Variants in CDH3 observed in about 807,000 individuals in gnomAD.
CDH3 encodes the protein cadherin-3.
In CDH3, 54 loss-of-function variants were observed where a neutral mutation model predicts 82.0. The observed-to-expected ratio is 0.66, with a 90% CI of 0.53 to 0.83. The LOEUF is 0.83. CDH3 is among the 40% of genes least tolerant of loss of function. The pLI is 0.00. For missense variants in CDH3, 1,054 were observed against 1,084.6 expected, an observed-to-expected ratio of 0.97 and a Z score of 0.40; for synonymous variants, 446 against 437.9, an observed-to-expected ratio of 1.02 and a Z score of -0.23.
At chr16:68,710,593 C>A (rs1670131580) in intron 1 of CDH3, among the ~76,000 whole-genome samples, 1 of 152,152 alleles carries the variant, frequency 6.6e-6, no homozygotes, top group Non-Finnish European at 1.5e-5. Flanking sequence ...CGCGGTGGCT[C>A]ACGCCTGTAA....
rs190902877 is a variant in CDH3 at position 68,652,421 on chromosome 16, C to T, written c.160+6671C>T. Among the ~76,000 whole-genome samples, 656 of 152,208 alleles carry T rather than the reference C, an allele frequency of 4.3e-3. 1 individual carries two copies. Among genetic ancestry groups the T allele is most frequent in the Middle Eastern group, 0.01 (3 of 294 alleles). On this transcript the variant is annotated intron_variant, in intron 2 of 15. Coordinates refer to ENST00000264012, the MANE Select transcript of CDH3 (RefSeq NM_001793.6). ...TCCCTGCTGCACAAGGAAGGCATTGCTTATGACAAGCAAAGAGTTTCTAGG... is the reference window on the plus strand; with the variant it reads ...TCCCTGCTGCACAAGGAAGGCATTGTTTATGACAAGCAAAGAGTTTCTAGG...
intron 2 of CDH3, among the ~76,000 whole-genome samples, chr16:68,671,927 A>G (rs1960892876): frequency 6.6e-6 from 1 of 152,232 alleles, no homozygotes; most frequent in East Asian, 1.9e-4. Context: ...TTGGAGGGAC[A>G]CAACTCGTGT....
In CDH3 at chr16:68,679,983, C is replaced by T. The variant is rs778167806; in HGVS notation, c.867+9C>T. 2 of 1,613,624 alleles carry T rather than the reference C, an allele frequency of 1.2e-6. No individual in the cohort carries two copies. Among genetic ancestry groups the T allele is most frequent in the South Asian group, 1.1e-5 (1 of 91,072 alleles). ...GTGGCCTGGACCGGGAAGTGAGTGG[C>T]CCTTAGGGAAAGTACTGCCTACCCA... On this transcript the variant is annotated intron_variant, in intron 7 of 15. Coordinates refer to ENST00000264012, the MANE Select transcript of CDH3 (RefSeq NM_001793.6).
chr16:68,673,694 G>T (rs576431449), intron 2 of CDH3, among the ~76,000 whole-genome samples: 1 of 152,168 alleles, frequency 6.6e-6, no homozygotes, highest in African/African-American at 2.4e-5. Flanking sequence ...GGGAGGCCAG[G>T]CGGGTGGATT....
chr16:68,654,369 T>A (rs1360741614), intron 2 of CDH3, among the ~76,000 whole-genome samples: 1 of 141,446 alleles, frequency 7.1e-6, no homozygotes, highest in African/African-American at 2.5e-5. Context: ...TTTTTCTTAA[T>A]TTTTAAATTA....
chr16:68,652,644 C>T (rs899126093), intron 2 of CDH3, among the ~76,000 whole-genome samples: 1 of 152,162 alleles, frequency 6.6e-6, no homozygotes, highest in African/African-American at 2.4e-5. Context: ...ACATCGCAAA[C>T]TTAAAACCCC....
chr16:68,702,994 A>G (rs1314323481), downstream of CDH3, among the ~76,000 whole-genome samples: 1 of 152,124 alleles, frequency 6.6e-6, no homozygotes, highest in African/African-American at 2.4e-5. Context: ...AAGTGCCCCA[A>G]TCCCTCCCTG....
intron 2 of CDH3, among the ~76,000 whole-genome samples, chr16:68,648,238 G>A (rs1248618142): frequency 6.6e-6 from 1 of 152,182 alleles, no homozygotes; most frequent in African/African-American, 2.4e-5. Context: ...TTCTTTGAGG[G>A]TGACAGACAC....
intron 15 of CDH3, among the ~76,000 whole-genome samples, chr16:68,697,689 A>G (rs548115084): frequency 6.6e-6 from 1 of 152,308 alleles, no homozygotes; most frequent in East Asian, 1.9e-4. Context: ...CCTAGCATGT[A>G]GCGCTTATTA....
In CDH3 at chr16:68,680,988, G is replaced by T; in HGVS notation, c.888G>T (p.Leu296=). 1 of 1,614,030 alleles carries T rather than the reference G, an allele frequency of 6.2e-7. No individual in the cohort carries two copies. The highest frequency in any genetic ancestry group is 1.1e-5 in the South Asian group (1 of 91,052). ...CCCAGAAAGTCCCTGAGTACACACT[G>T]ACCATCCAGGCCACAGACATGGATG... is the stretch of plus-strand genomic sequence containing the variant. The part of the protein sequence containing the change: ...LDREKVPEYT[L]TIQATDMDGD... Residue 296 remains leucine, a synonymous_variant, in exon 8 of 16, where the codon CTG becomes CTT. Transcript: ENST00000264012.
downstream of CDH3, among the ~76,000 whole-genome samples, chr16:68,731,703 G>A (rs1471942969): frequency 6.6e-6 from 1 of 151,520 alleles, no homozygotes; most frequent in Admixed American, 6.6e-5. Context: ...CTGGTGTGGT[G>A]GCTCATGCCT....
At chr16:68,698,035 A>T (rs1229162136) in intron 15 of CDH3, 156 bp from the exon 16 acceptor site, 2 of 746,666 alleles carry the variant, frequency 2.7e-6, no homozygotes, top group African/African-American at 1.7e-5. Context: ...CTGGTCCCTG[A>T]GTGAATGAAT....
chr16:68,696,112 G>T lies in CDH3; in HGVS notation c.2280+189G>T, dbSNP rs1961714984. 1.2e-5 allele frequency: 8 copies of T among 686,954 alleles called. No homozygotes were observed. In the East Asian group the frequency reaches 2.2e-4, roughly 19 times the overall value. The allele number at this position is 686,954 out of a possible 1,614,324, so 42.6% of individuals were successfully genotyped here. ...GTTTCTTCCTCCATAGAACTCACTT[G>T]CAGAGTGGTTAAAAATGATTAGGAG... On this transcript the variant is annotated intron_variant, in intron 15 of 15. Transcript: ENST00000264012.
chr16:68,654,370 T>C lies in CDH3; in HGVS notation c.160+8620T>C, dbSNP rs551098204. Among the ~76,000 whole-genome samples, 525 of 142,864 alleles carry C rather than the reference T, an allele frequency of 3.7e-3. 2 individuals carry two copies. The highest frequency in any genetic ancestry group is 0.013 in the African/African-American group (496 of 39,080). 93.7% of individuals were successfully genotyped at this position (142,864 alleles called of 152,430 possible). A position where few individuals can be genotyped will look rare whatever the true frequency, so the allele number is the denominator to read the frequency against. ...CACCGCACCTGGCCTTTTTCTTAAT[T>C]TTTAAATTAATTTTTTTTTTTTTTT... is the stretch of plus-strand genomic sequence containing the variant. On this transcript the variant is annotated intron_variant, in intron 2 of 15. Transcript: ENST00000264012.
Position 68,684,764 on chromosome 16 carries a change from C to T in CDH3, c.1364C>T (p.Thr455Ile), listed in dbSNP as rs1242553513. The T allele has an allele frequency of 6.2e-7, 1 of 1,614,070 alleles. No homozygotes were observed. The highest frequency in any genetic ancestry group is 1.3e-5 in the African/African-American group (1 of 74,934). Residue 455 changes from threonine (T) to isoleucine (I), a missense_variant, in exon 10 of 16, where the codon ACT becomes ATT. Coordinates refer to ENST00000264012, the MANE Select transcript of CDH3 (RefSeq NM_001793.6). ...GTTGAGGTCCAGGAGGGCATCCCCA[C>T]TGGGGAGCCTGTGTGTGTCTACACT... is the stretch of plus-strand genomic sequence containing the variant. ...KVVEVQEGIP[T>I]GEPVCVYTAE...
chr16:68,655,090 T>C (rs1367651162), intron 2 of CDH3, among the ~76,000 whole-genome samples: 1 of 152,078 alleles, frequency 6.6e-6, no homozygotes, highest in Non-Finnish European at 1.5e-5. Flanking sequence ...TTGCCTGGGC[T>C]GGCCTTGAAC....
chr16:68,685,274 G>A lies in CDH3; in HGVS notation c.1494G>A (p.Val498=). The part of the protein sequence containing the change: ...MDPDSGQVTA[V]GTLDREDEQF... The stretch of plus-strand genomic sequence containing the variant: ...CAGACAGTGGGCAGGTCACAGCTGT[G>A]GGCACCCTCGACCGTGAGGATGAGC... Residue 498 remains valine, a synonymous_variant, in exon 11 of 16, where the codon GTG becomes GTA. Coordinates refer to ENST00000264012, the MANE Select transcript of CDH3 (RefSeq NM_001793.6). 6.2e-7 allele frequency: 1 copy of A among 1,614,124 alleles called. No homozygotes were observed. Among genetic ancestry groups the A allele is most frequent in the Non-Finnish European group, 8.5e-7 (1 of 1,179,996 alleles).
intron 2 of CDH3, among the ~76,000 whole-genome samples, chr16:68,662,881 T>C (rs1597796913): frequency 7.0e-6 from 1 of 142,606 alleles, no homozygotes; most frequent in African/African-American, 2.6e-5. Flanking sequence ...TTTTTTTTTT[T>C]TTTTTTTGAG....
chr16:68,678,583 T>A lies in CDH3; in HGVS notation c.473T>A (p.Phe158Tyr), dbSNP rs900672615. 5 of 1,614,226 alleles carry A rather than the reference T, an allele frequency of 3.1e-6. No homozygotes were observed. The change falls in exon 5 of 16, where the codon TTC (phenylalanine) becomes TAC (tyrosine). Residue 158 changes from phenylalanine to tyrosine, a missense_variant. By Grantham distance (22) the Phe-to-Tyr change is conservative (BLOSUM62 3). Coordinates refer to ENST00000264012, the MANE Select transcript of CDH3 (RefSeq NM_001793.6). ...PGADSPPEGV[F>Y]AVEKETGWLL... Reference sequence around the variant, plus strand: ...GCAGACAGCCCCCCTGAGGGTGTCTTCGCTGTAGAGAAGGAGACAGGCTGG... The same window carrying A: ...GCAGACAGCCCCCCTGAGGGTGTCTACGCTGTAGAGAAGGAGACAGGCTGG...
Sources: gnomAD v4.1 joint callset for allele counts (sites outside exome capture counted in the v4.1 genomes callset) on GRCh38, gnomAD v4.1.1 for gene constraint, MANE v1.5 for transcripts, NCBI Gene and HGNC (gene_info 2026-07-23, HGNC 2026-07-21) for gene names.